The following CALN1 variants were observed in gnomAD, a reference collection of about 807,000 sequenced individuals.
CALN1 encodes calneuron 1, also known as calcium-binding protein 8.
In CALN1, 17 loss-of-function variants were observed where a neutral mutation model predicts 30.6. That is an observed-to-expected ratio of 0.56 (90% CI 0.38 to 0.83). CALN1 has a LOEUF of 0.83. Among genes scored for constraint, CALN1 ranks in the 40% least tolerant of loss-of-function variants. CALN1 has a pLI of 0.00. For missense variants in CALN1, 291 were observed against 354.9 expected (o/e 0.82, Z 1.45); for synonymous variants, 156 against 131.4 (o/e 1.19, Z -1.28).
intron 2 of CALN1, among the ~76,000 whole-genome samples, chr7:72,377,125 C>T (rs141625626): frequency 6.6e-6 from 1 of 152,106 alleles, no homozygotes. Context: ...GAAAGTGAGT[C>T]CTCCAACGTT....
In CALN1 at chr7:72,281,419, T is replaced by C. The variant is rs570212720; in HGVS notation, c.120-2609A>G. Reference sequence around the variant, plus strand: ...AGATGTCAACCCTGGCTAACACTTCTTATGTGATTTCAACTTCACCCTCAG... The same window carrying C: ...AGATGTCAACCCTGGCTAACACTTCCTATGTGATTTCAACTTCACCCTCAG... On this transcript the variant is annotated intron_variant, in intron 2 of 6. Coordinates refer to ENST00000395275, the MANE Select transcript of CALN1 (RefSeq NM_031468.4). Among the ~76,000 whole-genome samples the C allele has an allele frequency of 5.9e-5, 9 of 152,306 alleles. No homozygotes were observed. In the East Asian group the frequency reaches 1.7e-3, roughly 29 times the overall value.
the CALN1 span, among the ~76,000 whole-genome samples, chr7:72,472,650 C>T: frequency 0.045 from 6,911 of 152,118 alleles, 512 homozygotes; most frequent in African/African-American, 0.15. Flanking sequence ...GGCGTGGTGG[C>T]GGGCGCCTGT....
intron 2 of CALN1, among the ~76,000 whole-genome samples, chr7:72,372,641 C>T (rs540549738): frequency 3.6e-4 from 55 of 152,182 alleles, no homozygotes; most frequent in African/African-American, 1.2e-3. Flanking sequence ...TAGTCACTGG[C>T]GTCACACACA....
chr7:72,253,076 G>A (rs936986687), intron 3 of CALN1, among the ~76,000 whole-genome samples: 1 of 152,190 alleles, frequency 6.6e-6, no homozygotes, highest in Admixed American at 6.5e-5. Context: ...CTCCTATTCT[G>A]AGACTGACAT....
intron 5 of CALN1, among the ~76,000 whole-genome samples, chr7:72,016,804 G>T (rs1016121547): frequency 2.0e-5 from 3 of 149,242 alleles, no homozygotes; most frequent in African/African-American, 7.7e-5. Context: ...ACAAAAGCCT[G>T]GGCCTGGGCT....
At chr7:71,811,653 T>C (rs1256664175) in intron 5 of CALN1, among the ~76,000 whole-genome samples, 1 of 149,038 alleles carries the variant, frequency 6.7e-6, no homozygotes, top group Non-Finnish European at 1.5e-5. Context: ...TATATTAGGT[T>C]TGATAGTGTC....
chr7:72,483,359 A>G, the CALN1 span, among the ~76,000 whole-genome samples: 6 of 143,394 alleles, frequency 4.2e-5, no homozygotes, highest in Non-Finnish European at 9.0e-5. Flanking sequence ...ATCTCAGCTC[A>G]CTGCAACCTC....
intron 2 of CALN1, among the ~76,000 whole-genome samples, chr7:72,373,827 A>G (rs1478376899): frequency 6.6e-6 from 1 of 152,244 alleles, no homozygotes; most frequent in Non-Finnish European, 1.5e-5. Context: ...CACATCATAA[A>G]CTGATGAGAA....
rs926393063 is a variant in CALN1, at chr7:72,022,985, G to A, written c.501+672C>T. On this transcript the variant is annotated intron_variant, in intron 5 of 6. Coordinates refer to ENST00000395275, the MANE Select transcript of CALN1 (RefSeq NM_031468.4). Reference sequence around the variant, plus strand: ...ATGCTGTGTCTGAATGGCGTTTTACGTGTCTAACTGGTAATTTAATTTAAT... The same window carrying A: ...ATGCTGTGTCTGAATGGCGTTTTACATGTCTAACTGGTAATTTAATTTAAT... Among the ~76,000 whole-genome samples, 6 of 149,954 alleles carry A rather than the reference G, an allele frequency of 4.0e-5. No individual in the cohort carries two copies. The South Asian group carries it at 1.3e-3, about 32-fold the overall frequency.
intron 2 of CALN1, among the ~76,000 whole-genome samples, chr7:72,312,824 T>C (rs1403930631): frequency 7.0e-6 from 1 of 142,914 alleles, no homozygotes; most frequent in Non-Finnish European, 1.5e-5. Context: ...TAAGGGAACA[T>C]TTGCCCTATC....
intron 5 of CALN1, among the ~76,000 whole-genome samples, chr7:71,895,041 G>A (rs1051286323): frequency 1.3e-5 from 2 of 152,046 alleles, no homozygotes; most frequent in Admixed American, 6.5e-5. Flanking sequence ...AGCAACCTCT[G>A]CCTCCTGGGC....
intron 1 of CALN1, among the ~76,000 whole-genome samples, chr7:72,417,666 T>C (rs1009755328): frequency 6.6e-6 from 1 of 152,250 alleles, no homozygotes. Context: ...TGTATAATTA[T>C]TTTCTAAATG....
chr7:72,008,959 A>C (rs911493044), intron 5 of CALN1, among the ~76,000 whole-genome samples: 4 of 152,174 alleles, frequency 2.6e-5, no homozygotes, highest in Non-Finnish European at 5.9e-5. Flanking sequence ...CCCGGCCTCA[A>C]ATAAATTTTT....
At chr7:72,111,337 G>A (rs932701285) in intron 3 of CALN1, among the ~76,000 whole-genome samples, 6 of 152,220 alleles carry the variant, frequency 3.9e-5, no homozygotes, top group Non-Finnish European at 7.3e-5. Context: ...CAAAGTTGGC[G>A]TTCCCACAGG....
chr7:71,897,215 C>A (rs6946044), intron 5 of CALN1, among the ~76,000 whole-genome samples: 36,466 of 152,038 alleles, frequency 0.24, 5,562 homozygotes, highest in African/African-American at 0.43. Context: ...CTGTAAGATT[C>A]GCATTTAATT....
At chr7:72,364,737 T>G (rs987135567) in intron 2 of CALN1, among the ~76,000 whole-genome samples, 3 of 152,216 alleles carry the variant, frequency 2.0e-5, no homozygotes, top group Non-Finnish European at 2.9e-5. Context: ...TTAGCTTGAT[T>G]TAATCATCCC....
chr7:71,849,882 C>T (rs996379544), intron 5 of CALN1, among the ~76,000 whole-genome samples: 1 of 152,082 alleles, frequency 6.6e-6, no homozygotes, highest in Non-Finnish European at 1.5e-5. Context: ...ATCCTCCCGC[C>T]CAGGCCTTCC....
At chr7:72,326,666 G>C (rs942616876) in intron 2 of CALN1, among the ~76,000 whole-genome samples, 4 of 152,200 alleles carry the variant, frequency 2.6e-5, no homozygotes, top group African/African-American at 7.2e-5. Context: ...TACACAAACA[G>C]ATTACAATTT....
chr7:71,881,759 C>A (rs1273833253), intron 5 of CALN1, among the ~76,000 whole-genome samples: 1 of 152,044 alleles, frequency 6.6e-6, no homozygotes, highest in African/African-American at 2.4e-5. Flanking sequence ...GCTTACAACA[C>A]AAATTTATTC....
Sources: allele counts gnomAD v4.1 joint callset (sites outside exome capture counted in the v4.1 genomes callset), GRCh38; gene constraint gnomAD v4.1.1; transcripts MANE v1.5; gene names NCBI Gene and HGNC (gene_info 2026-07-23, HGNC 2026-07-21).